The following VCAN variants were observed in gnomAD, a reference collection of about 807,000 sequenced individuals.
VCAN encodes the protein versican, also known as versican core protein.
A neutral mutation model predicts 245.5 loss-of-function variants in VCAN; 44 were observed. That is an observed-to-expected ratio of 0.18 (90% CI 0.14 to 0.23). The LOEUF is 0.23. VCAN is among the 10% of genes least tolerant of loss of function. The pLI, the probability that VCAN is intolerant of heterozygous loss-of-function variation, is 1.00. For missense variants in VCAN, 3,793 were observed against 4,057.9 expected, an observed-to-expected ratio of 0.93 and a Z score of 1.77; for synonymous variants, 1,413 against 1,437.0, an observed-to-expected ratio of 0.98 and a Z score of 0.38.
At chr5:83,509,775 G>A (rs1745596453) in intron 5 of VCAN, among the ~76,000 whole-genome samples, 1 of 152,194 alleles carries the variant, frequency 6.6e-6, no homozygotes, top group Non-Finnish European at 1.5e-5. Flanking sequence ...ATTCTGAGGT[G>A]AAGGAGGCTG....
At chr5:83,505,611 T>C (rs559229851) in intron 5 of VCAN, among the ~76,000 whole-genome samples, 17 of 152,282 alleles carry the variant, frequency 1.1e-4, no homozygotes, top group African/African-American at 3.6e-4. Flanking sequence ...TCTGCAGCTT[T>C]CCCGGGCACA....
rs762753715 is a variant in VCAN at position 83,490,402 on chromosome 5, G to A, written c.375G>A (p.Ala125=). Residue 125 remains alanine (A), a synonymous_variant, in exon 3 of 15, where the codon GCG becomes GCA. Coordinates refer to ENST00000265077, the MANE Select transcript of VCAN (RefSeq NM_004385.5). ...TGGTCAAGCTGCTGGCAAGTGATGC[G>A]GGTCTTTACCGCTGTGACGTCATGT... The part of the protein sequence containing the change: ...LTVVKLLASD[A]GLYRCDVMYG... 21 of 1,614,190 alleles carry A rather than the reference G, an allele frequency of 1.3e-5. No homozygotes were observed. The highest frequency in any genetic ancestry group is 4.5e-5 in the East Asian group (2 of 44,878).
rs1255089274 is a variant in VCAN at position 83,572,346 on chromosome 5, A to G, written c.9736-70A>G. ...GAGTCTATTCCAATTAGATTGTGAT[A>G]TAATACCGTCGTTGCTCTTACGTTA... On this transcript the variant is annotated intron_variant, in intron 12 of 14. Coordinates refer to ENST00000265077, the MANE Select transcript of VCAN (RefSeq NM_004385.5). 7 of 1,545,338 alleles carry G rather than the reference A, an allele frequency of 4.5e-6. No individual in the cohort carries two copies. The South Asian group carries it at 5.6e-5, about 12-fold the overall frequency.
At chr5:83,578,838 TATA>T (rs1353700434) in intron 13 of VCAN, among the ~76,000 whole-genome samples, 1 of 152,118 alleles carries the variant, frequency 6.6e-6, no homozygotes, top group Non-Finnish European at 1.5e-5. Flanking sequence ...TATAGGTAAA[TATA>T]ATAATTTAAT....
intron 12 of VCAN, among the ~76,000 whole-genome samples, chr5:83,565,716 A>G (rs139415790): frequency 3.9e-5 from 6 of 152,262 alleles, no homozygotes; most frequent in East Asian, 1.9e-4. Flanking sequence ...TTAGGTTTTG[A>G]TAAGAACGAT....
intron 5 of VCAN, among the ~76,000 whole-genome samples, chr5:83,510,729 C>A (rs1228623953): frequency 6.6e-6 from 1 of 152,190 alleles, no homozygotes; most frequent in Non-Finnish European, 1.5e-5. Context: ...TCTGAAGTTT[C>A]CAGAATCTTT....
chr5:83,546,438 C>CATTCATATT (rs1747223454), intron 9 of VCAN, among the ~76,000 whole-genome samples: 1 of 151,952 alleles, frequency 6.6e-6, no homozygotes, highest in South Asian at 2.1e-4. Flanking sequence ...ACAATCCCAA[C>CATTCATATT]ATTCATATTA....
intron 5 of VCAN, among the ~76,000 whole-genome samples, chr5:83,500,719 C>A (rs965670316): frequency 6.6e-6 from 1 of 152,144 alleles, no homozygotes; most frequent in Non-Finnish European, 1.5e-5. Flanking sequence ...GGCAGTCTTG[C>A]AAGCCAAGAA....
intron 2 of VCAN, among the ~76,000 whole-genome samples, chr5:83,488,205 G>A (rs1744854095): frequency 6.6e-6 from 1 of 152,156 alleles, no homozygotes; most frequent in African/African-American, 2.4e-5. Context: ...CCAAATTAAA[G>A]GAATGTGAAA....
chr5:83,522,349 T>C, intron 7 of VCAN, 40 bp downstream of exon 7: 1 of 1,591,348 alleles, frequency 6.3e-7, no homozygotes, highest in Non-Finnish European at 8.5e-7. Context: ...AAGGCAATCC[T>C]CATTTTATCT....
At chr5:83,477,381 T>C (rs779024118) in intron 1 of VCAN, among the ~76,000 whole-genome samples, 2 of 152,146 alleles carry the variant, frequency 1.3e-5, no homozygotes, top group Non-Finnish European at 2.9e-5. Context: ...TCCAATGAAG[T>C]TGGACATTCA....
chr5:83,474,985 C>T lies in VCAN; in HGVS notation c.-7+2962C>T, dbSNP rs542718801. ...TTGTCAGAAAAATGAGACTTTATAC[C>T]GTATTCCATTTGTTGACTTTTTAAA... On this transcript the variant is annotated intron_variant, in intron 1 of 14. Coordinates refer to ENST00000265077, the MANE Select transcript of VCAN (RefSeq NM_004385.5). 7.2e-5 allele frequency among the ~76,000 whole-genome samples: 11 copies of T among 152,182 alleles called. No individual in the cohort carries two copies. The South Asian group carries it at 1.5e-3, about 20-fold the overall frequency.
At chr5:83,566,059 G>GT (rs560408672) in intron 12 of VCAN, among the ~76,000 whole-genome samples, 3 of 47,462 alleles carry the variant, frequency 6.3e-5, no homozygotes, top group African/African-American at 4.0e-4. Context: ...CGCCTCCCGG[G>GT]TTAAGTGATT....
intron 5 of VCAN, among the ~76,000 whole-genome samples, chr5:83,510,288 G>T (rs75861652): frequency 1.3e-5 from 2 of 152,174 alleles, no homozygotes; most frequent in Non-Finnish European, 2.9e-5. Flanking sequence ...GAGAAAAGCC[G>T]ATATGTGTGC....
At chr5:83,528,365 G>C (rs909449345) in intron 7 of VCAN, among the ~76,000 whole-genome samples, 2 of 152,116 alleles carry the variant, frequency 1.3e-5, no homozygotes, top group Non-Finnish European at 2.9e-5. Flanking sequence ...CTCACCAGTG[G>C]GGTTAAGGAG....
chr5:83,549,411 G>T (rs1321505080), intron 10 of VCAN, among the ~76,000 whole-genome samples: 1 of 152,066 alleles, frequency 6.6e-6, no homozygotes, highest in African/African-American at 2.4e-5. Context: ...GCATTCAGTG[G>T]GCTAGAAATT....
intron 7 of VCAN, among the ~76,000 whole-genome samples, chr5:83,529,793 T>A (rs1195448430): frequency 6.6e-6 from 1 of 152,162 alleles, no homozygotes; most frequent in Non-Finnish European, 1.5e-5. Context: ...TATTTAATAC[T>A]CCTTCAGTGA....
intron 5 of VCAN, among the ~76,000 whole-genome samples, chr5:83,497,976 C>T (rs963353262): frequency 1.3e-5 from 2 of 152,138 alleles, no homozygotes; most frequent in African/African-American, 4.8e-5. Flanking sequence ...GTCAATACTT[C>T]CAGTCTTGTC....
Position 83,539,164 on chromosome 5 carries a change from T to C in VCAN, c.6161T>C (p.Ile2054Thr). 6.2e-7 allele frequency: 1 copy of C among 1,613,940 alleles called. No homozygotes were observed. Among genetic ancestry groups the C allele is most frequent in the Non-Finnish European group, 8.5e-7 (1 of 1,179,966 alleles). Residue 2054 changes from isoleucine (I) to threonine (T), a missense_variant, in exon 8 of 15, where the codon ATT (isoleucine) becomes ACT (threonine). Around this residue, in one of 5 missense-constraint regions of VCAN, gnomAD observed 3,182 missense variants for 3,250.3 expected, o/e 0.98. Transcript: ENST00000265077. Reference protein sequence around the residue: ...GLGEVGTVNEIDRRSTILPTA... With the variant: ...GLGEVGTVNETDRRSTILPTA... ...GGAGAAGTGGGTACTGTCAATGAAA[T>C]TGATAGAAGATCCACCATTTTACCA...
Sources: allele counts gnomAD v4.1 joint callset (sites outside exome capture counted in the v4.1 genomes callset), GRCh38; gene constraint gnomAD v4.1.1; regional missense constraint gnomAD v4.1.1; transcripts MANE v1.5; gene names NCBI Gene and HGNC (gene_info 2026-07-23, HGNC 2026-07-21).